SNX10: variants seen among roughly 807,000 people sequenced by gnomAD.
The protein encoded by SNX10 is sorting nexin-10.
SNX10 carries 25 observed loss-of-function variants against 28.5 expected under a neutral mutation model. The ratio of observed to expected loss-of-function variants is 0.88; its 90% CI spans 0.64 to 1.22. The LOEUF is 1.22. Among genes scored for constraint, SNX10 ranks in the 50% most tolerant of loss-of-function variants. The pLI is 0.00. For missense variants in SNX10, 223 were observed against 242.6 expected, an observed-to-expected ratio of 0.92 and a Z score of 0.54; for synonymous variants, 62 against 81.4, an observed-to-expected ratio of 0.76 and a Z score of 1.28.
chr7:26,298,927 C>T (rs557998717), intron 1 of SNX10, among the ~76,000 whole-genome samples: 2 of 152,312 alleles, frequency 1.3e-5, no homozygotes, highest in South Asian at 4.1e-4. Flanking sequence ...ACCCTTTTAA[C>T]CTCATCTAAA....
intron 1 of SNX10, among the ~76,000 whole-genome samples, chr7:26,305,652 G>T (rs1786561192): frequency 6.6e-6 from 1 of 152,206 alleles, no homozygotes; most frequent in Admixed American, 6.5e-5. Flanking sequence ...AACTTCCTAT[G>T]TTGGGAAATC....
chr7:26,325,306 A>ATAT (rs1787457774), intron 1 of SNX10, among the ~76,000 whole-genome samples: 11 of 51,324 alleles, frequency 2.1e-4, no homozygotes, highest in African/African-American at 4.1e-4. Context: ...AAGTTTGCAA[A>ATAT]ATATATATAT....
intron 1 of SNX10, among the ~76,000 whole-genome samples, chr7:26,322,989 T>C (rs1441805831): frequency 1.3e-5 from 2 of 152,192 alleles, no homozygotes; most frequent in African/African-American, 4.8e-5. Context: ...GGCTCATGAC[T>C]GTAATCTCAG....
chr7:26,344,381 C>A (rs148711520), intron 1 of SNX10, among the ~76,000 whole-genome samples: 3 of 152,138 alleles, frequency 2.0e-5, no homozygotes, highest in African/African-American at 7.2e-5. Flanking sequence ...GTTGGCCAGG[C>A]TGGTCTCTAA....
intron 1 of SNX10, among the ~76,000 whole-genome samples, chr7:26,329,412 A>G (rs556222920): frequency 2.6e-5 from 4 of 152,230 alleles, no homozygotes; most frequent in East Asian, 1.9e-4. Context: ...GACCACCCAC[A>G]TATGAAGTAG....
intron 1 of SNX10, among the ~76,000 whole-genome samples, chr7:26,335,813 C>G (rs1331653752): frequency 3.5e-5 from 5 of 140,854 alleles, no homozygotes; most frequent in African/African-American, 1.3e-4. Context: ...GCGCGATCTC[C>G]GCTCACTGCA....
rs1450736162 is a variant in SNX10, at chr7:26,291,964, T to G, written c.-146T>G. 2 of 136,328 alleles carry G rather than the reference T, an allele frequency of 1.5e-5. No homozygotes were observed. Among genetic ancestry groups the G allele is most frequent in the East Asian group, 6.0e-4 (2 of 3,320 alleles). The allele number at this position is 136,328 out of a possible 1,614,324, so 8.4% of individuals were successfully genotyped here. A position where few individuals can be genotyped will look rare whatever the true frequency, so the allele number is the denominator to read the frequency against. On this transcript the variant is annotated 5_prime_UTR_variant, in exon 1 of 7. Transcript: ENST00000338523. ...GAGCGCGGGGAGCGCGGGGCTGCGC[T>G]CGTGTGCGCTCCTGGGCGCTCGCCG...
rs143532847 is a variant in SNX10, at chr7:26,360,119, G to C, written c.25-856G>C. 1.5e-3 allele frequency among the ~76,000 whole-genome samples: 223 copies of C among 152,298 alleles called. 1 individual carries two copies. The highest frequency in any genetic ancestry group is 5.1e-3 in the African/African-American group (212 of 41,562). On this transcript the variant is annotated intron_variant, in intron 2 of 6. Coordinates refer to ENST00000338523, the MANE Select transcript of SNX10 (RefSeq NM_013322.3). ...GTAGGGGAAATGTATTTTAAAAATA[G>C]AAAAGTATTATGTAAAAGAAGGTGT...
chr7:26,360,551 C>G (rs1301044147), intron 2 of SNX10: 1 of 173,018 alleles, frequency 5.8e-6, no homozygotes, highest in Admixed American at 6.4e-5. Flanking sequence ...TGGTGCCTTT[C>G]TTATTTGTGT....
rs181061337 is a variant in SNX10, at chr7:26,298,882, G to A, written c.-24+6796G>A. 1.2e-4 allele frequency among the ~76,000 whole-genome samples: 18 copies of A among 152,256 alleles called. No homozygotes were observed. In the East Asian group the frequency reaches 3.1e-3, roughly 26 times the overall value. On this transcript the variant is annotated intron_variant, in intron 1 of 6. Coordinates refer to ENST00000338523, the MANE Select transcript of SNX10 (RefSeq NM_013322.3). ...AAGAGAACAAGCTCTTGGTATCTCC[G>A]CTTGGTGTCTCACCAGTCCCATCAC...
intron 1 of SNX10, among the ~76,000 whole-genome samples, chr7:26,333,235 C>G (rs1261187552): frequency 6.6e-6 from 1 of 151,148 alleles, no homozygotes; most frequent in African/African-American, 2.4e-5. Flanking sequence ...TTATTTTGAT[C>G]TCTTAATTTT....
intron 1 of SNX10, among the ~76,000 whole-genome samples, chr7:26,307,945 C>G (rs886191628): frequency 1.3e-5 from 2 of 152,156 alleles, no homozygotes; most frequent in African/African-American, 4.8e-5. Flanking sequence ...CAACACCCAT[C>G]CCAGATGAAT....
intron 2 of SNX10, among the ~76,000 whole-genome samples, chr7:26,353,461 G>GAGC (rs201553239): frequency 1.9e-4 from 8 of 42,398 alleles, no homozygotes; most frequent in Admixed American, 1.8e-3. Flanking sequence ...TTTTTTTTTT[G>GAGC]GTGGGGAGAC....
chr7:26,330,379 G>A (rs1474323747), intron 1 of SNX10, among the ~76,000 whole-genome samples: 4 of 152,084 alleles, frequency 2.6e-5, no homozygotes, highest in Admixed American at 2.0e-4. Context: ...AGATAACAGT[G>A]ACCAGGACAA....
At chr7:26,333,575 C>T (rs558380490) in intron 1 of SNX10, among the ~76,000 whole-genome samples, 2 of 151,824 alleles carry the variant, frequency 1.3e-5, no homozygotes, top group East Asian at 1.9e-4. Flanking sequence ...CCGCCCGTCT[C>T]GGCCTCCCAA....
At chr7:26,346,207 T>C (rs1182391995) in intron 1 of SNX10, among the ~76,000 whole-genome samples, 6 of 152,212 alleles carry the variant, frequency 3.9e-5, no homozygotes, top group South Asian at 4.2e-4. Flanking sequence ...CTTGGACTCT[T>C]TGGGGTCCAG....
At position 26,371,806 on chromosome 7, in the gene SNX10, T is replaced by G. The variant is rs1464413171; in HGVS notation, c.312-15T>G. 1 of 1,577,800 alleles carries G rather than the reference T, an allele frequency of 6.3e-7. No homozygotes were observed. Among genetic ancestry groups the G allele is most frequent in the East Asian group, 2.2e-5 (1 of 44,682 alleles). ...TCCTGTTCACCAATTATTTTTCCTT[T>G]TTTTTTTAATATAGAGTCCTACAGA... On this transcript the variant is annotated splice_polypyrimidine_tract_variant and intron_variant, in intron 5 of 6. Coordinates refer to ENST00000338523, the MANE Select transcript of SNX10 (RefSeq NM_013322.3).
rs1354650710 is a variant in SNX10 at position 26,364,520 on chromosome 7, AC to A, written c.112-14del. ...TTCCTCAGGTAAGACTCATTTTTCT[AC>A]TTTCTCTGTACAGACTAATAGCATG... On this transcript the variant is annotated splice_polypyrimidine_tract_variant and intron_variant, in intron 3 of 6. Transcript: ENST00000338523. The surrounding 1 kb of genome is among the most constrained non-coding windows in gnomAD (Gnocchi z 4.9). The A allele has an allele frequency of 1.3e-6, 2 of 1,593,100 alleles. No homozygotes were observed. The highest frequency in any genetic ancestry group is 1.7e-6 in the Non-Finnish European group (2 of 1,170,720).
intron 1 of SNX10, among the ~76,000 whole-genome samples, chr7:26,327,994 A>C (rs1321077908): frequency 6.6e-6 from 1 of 151,912 alleles, no homozygotes; most frequent in Non-Finnish European, 1.5e-5. Context: ...AGCCTCCCAA[A>C]GTGCTGGGAT....
Sources: allele counts gnomAD v4.1 joint callset (sites outside exome capture counted in the v4.1 genomes callset), GRCh38; gene constraint gnomAD v4.1.1; non-coding constraint Gnocchi (gnomAD v3.1); transcripts MANE v1.5; gene names NCBI Gene and HGNC (gene_info 2026-07-23, HGNC 2026-07-21).